Variants in ACSF2 observed in about 807,000 individuals in gnomAD.
ACSF2 encodes the protein medium-chain acyl-CoA ligase ACSF2, mitochondrial.
Under a neutral mutation model 79.3 loss-of-function variants are expected in ACSF2, and 52 were observed. The observed-to-expected ratio is 0.66, with a 90% CI of 0.53 to 0.83. The LOEUF is 0.83. Among genes scored for constraint, ACSF2 ranks in the 40% least tolerant of loss-of-function variants. ACSF2 has a pLI of 0.00. For synonymous variants in ACSF2, 283 were observed against 312.6 expected (o/e 0.91, Z 1.00); for missense variants, 661 against 803.3 (o/e 0.82, Z 2.14).
intron 1 of ACSF2, among the ~76,000 whole-genome samples, chr17:50,451,471 CAG>C (rs1408196573): frequency 6.6e-6 from 1 of 152,000 alleles, no homozygotes; most frequent in Non-Finnish European, 1.5e-5. Flanking sequence ...TTTTTTGAGA[CAG>C]AGTTTTGCTC....
At position 50,426,366 on chromosome 17, in the gene ACSF2, G is replaced by C; in HGVS notation, c.105G>C (p.Arg35Ser). The change falls in exon 1 of 16, where the codon AGG (arginine) becomes AGC (serine). Residue 35 changes from arginine (R) to serine (S), a missense_variant. By Grantham distance (110) the Arg-to-Ser change is moderately radical. Transcript: ENST00000300441. ...TCTCTCGGAGTTGGCAGGAAGCCAG[G>C]TTGCAGGGTGTCCGCTTCCTCAGGT... ...AALSRSWQEA[R>S]LQGVRFLSSR... 1 of 1,402,834 alleles carries C rather than the reference G, an allele frequency of 7.1e-7. No homozygotes were observed. Among genetic ancestry groups the C allele is most frequent in the African/African-American group, 1.5e-5 (1 of 67,542 alleles). The allele number at this position is 1,402,834 out of a possible 1,614,324, so 86.9% of individuals were successfully genotyped here. A position where few individuals can be genotyped will look rare whatever the true frequency, so the allele number is the denominator to read the frequency against.
At chr17:50,470,428 T>A (rs2033058155) in intron 10 of ACSF2, among the ~76,000 whole-genome samples, 1 of 152,048 alleles carries the variant, frequency 6.6e-6, no homozygotes, top group Non-Finnish European at 1.5e-5. Context: ...GTTTTTAAAA[T>A]CACTGCTTAG....
At chr17:50,453,900 G>A (rs760557631) in intron 1 of ACSF2, among the ~76,000 whole-genome samples, 4 of 151,374 alleles carry the variant, frequency 2.6e-5, no homozygotes, top group Non-Finnish European at 4.4e-5. Context: ...CTGCCTCAGC[G>A]TCCCAAGTAG....
rs774828164 is a variant in ACSF2, at chr17:50,473,962, G to A, written c.1686G>A (p.Glu562=). ...CCTGCATTCGGCTGAAGGACGGGGA[G>A]GAGACCACGGTGGAGGAGATAAAAG... ...ICACIRLKDG[E]ETTVEEIKAF... The change falls in exon 14 of 16, where the codon GAG becomes GAA. Residue 562 remains glutamate, a synonymous_variant. Transcript: ENST00000300441. The A allele has an allele frequency of 6.5e-7, 1 of 1,543,620 alleles. No homozygotes were observed. The highest frequency in any genetic ancestry group is 8.7e-7 in the Non-Finnish European group (1 of 1,144,052).
intron 1 of ACSF2, among the ~76,000 whole-genome samples, chr17:50,448,271 G>GTA (rs1375556838): frequency 6.6e-6 from 1 of 152,180 alleles, no homozygotes; most frequent in Non-Finnish European, 1.5e-5. Context: ...CGTAGAAAAG[G>GTA]TATAGTCAAA....
Position 50,462,208 on chromosome 17 carries a change from C to G in ACSF2, c.532C>G (p.Pro178Ala). 1 of 1,613,998 alleles carries G rather than the reference C, an allele frequency of 6.2e-7. No homozygotes were observed. The highest frequency in any genetic ancestry group is 8.5e-7 in the Non-Finnish European group (1 of 1,179,992). ...KKVGCKALVF[P>A]KQFKTQQYYN... ...GGTGGGCTGCAAGGCCCTTGTGTTC[C>G]CCAAGCAATTCAAGACCCAGCAATA... The change falls in exon 5 of 16, where the codon CCC becomes GCC. Residue 178 changes from proline to alanine, a missense_variant. Physicochemically the swap from Pro to Ala is conservative, Grantham distance 27. Coordinates refer to ENST00000300441, the MANE Select transcript of ACSF2 (RefSeq NM_025149.6).
rs1309830505 is a variant in ACSF2 at position 50,463,313 on chromosome 17, G to C, written c.888+62G>C. On this transcript the variant is annotated intron_variant, in intron 7 of 15. Transcript: ENST00000300441. The surrounding 1 kb of genome is among the most constrained non-coding windows in gnomAD (Gnocchi z 4.6). The stretch of plus-strand genomic sequence containing the variant: ...GGGGTGGCTCAGGCAGGGGTGGGGG[G>C]CTGGCTGGGCTCCCCTTGCCAGCTA... 1.2e-6 allele frequency: 2 copies of C among 1,610,232 alleles called. No homozygotes were observed. Among genetic ancestry groups the C allele is most frequent in the Non-Finnish European group, 1.7e-6 (2 of 1,177,842 alleles).
intron 1 of ACSF2, among the ~76,000 whole-genome samples, chr17:50,445,632 AC>A (rs1364877605): frequency 6.6e-6 from 1 of 151,970 alleles, no homozygotes; most frequent in Non-Finnish European, 1.5e-5. Context: ...CTCTGACTCT[AC>A]AAAAAAAATT....
At chr17:50,456,041 GC>G (rs1422941146) in intron 1 of ACSF2, among the ~76,000 whole-genome samples, 3 of 152,120 alleles carry the variant, frequency 2.0e-5, no homozygotes, top group Non-Finnish European at 4.4e-5. Context: ...CCCTCACAAG[GC>G]ATGAACAATC....
chr17:50,426,988 A>T, intron 1 of ACSF2: 1 of 1,535,720 alleles, frequency 6.5e-7, no homozygotes. Context: ...CAGTAAGTAA[A>T]GCTGCCTTCC....
At chr17:50,444,850 A>G (rs530509022) in intron 1 of ACSF2, among the ~76,000 whole-genome samples, 1 of 152,164 alleles carries the variant, frequency 6.6e-6, no homozygotes, top group East Asian at 1.9e-4. Context: ...AGATTTGGTC[A>G]TTATTGTCTT....
At chr17:50,448,606 G>A (rs1475322494) in intron 1 of ACSF2, among the ~76,000 whole-genome samples, 1 of 152,196 alleles carries the variant, frequency 6.6e-6, no homozygotes, top group Non-Finnish European at 1.5e-5. Flanking sequence ...TAAACTATGG[G>A]CATATTCACA....
At chr17:50,430,650 G>A (rs1297326593) in intron 1 of ACSF2, among the ~76,000 whole-genome samples, 2 of 152,206 alleles carry the variant, frequency 1.3e-5, no homozygotes, top group Non-Finnish European at 2.9e-5. Flanking sequence ...GGGCGACAGA[G>A]CGAGACTCTG....
intron 1 of ACSF2, among the ~76,000 whole-genome samples, chr17:50,454,620 G>T (rs754603287): frequency 2.1e-4 from 32 of 152,132 alleles, no homozygotes; most frequent in Non-Finnish European, 4.4e-4. Context: ...CTTCTCTGAA[G>T]TTGCACACAC....
chr17:50,428,137 C>T (rs564123155), intron 1 of ACSF2, among the ~76,000 whole-genome samples: 1 of 152,088 alleles, frequency 6.6e-6, no homozygotes, highest in African/African-American at 2.4e-5. Context: ...TGCATTGAGC[C>T]GTCATCATGC....
intron 1 of ACSF2, among the ~76,000 whole-genome samples, chr17:50,454,645 C>T (rs1473592078): frequency 2.0e-5 from 3 of 152,182 alleles, no homozygotes; most frequent in Non-Finnish European, 4.4e-5. Flanking sequence ...TCTCTTTAAA[C>T]CCCACTGGCC....
Position 50,466,319 on chromosome 17 carries a change from G to C in ACSF2, c.1215+2025G>C, listed in dbSNP as rs143420777. ...TTAGCCAGGATGGTCTCGATCTCCT[G>C]ACCTCGTGATCTACCCGCCTCAGCC... On this transcript the variant is annotated intron_variant, in intron 10 of 15. Transcript: ENST00000300441. Among the ~76,000 whole-genome samples, 329 of 152,102 alleles carry C rather than the reference G, an allele frequency of 2.2e-3. 5 individuals carry two copies. The highest frequency in any genetic ancestry group is 7.4e-3 in the African/African-American group (306 of 41,492).
At chr17:50,469,419 G>A (rs7215289) in intron 10 of ACSF2, among the ~76,000 whole-genome samples, 2 of 152,126 alleles carry the variant, frequency 1.3e-5, no homozygotes, top group African/African-American at 4.8e-5. Flanking sequence ...CCCCGGCGTC[G>A]GTCTCCCACT....
chr17:50,465,935 G>A, intron 10 of ACSF2: 1 of 1,581,360 alleles, frequency 6.3e-7, no homozygotes, highest in Non-Finnish European at 8.7e-7. Context: ...AAGCACCCGA[G>A]TGCCAGAGGG....
Sources: gnomAD v4.1 joint callset for allele counts (sites outside exome capture counted in the v4.1 genomes callset) on GRCh38, gnomAD v4.1.1 for gene constraint, Gnocchi (gnomAD v3.1) non-coding constraint, MANE v1.5 for transcripts, NCBI Gene and HGNC (gene_info 2026-07-23, HGNC 2026-07-21) for gene names.